The following PRKACB variants were observed in gnomAD, a reference collection of about 807,000 sequenced individuals.
PRKACB encodes protein kinase cAMP-activated catalytic subunit beta.
In PRKACB, 16 loss-of-function variants were observed where a neutral mutation model predicts 51.4. The observed-to-expected ratio is 0.31, with a 90% CI of 0.21 to 0.47. PRKACB has a LOEUF of 0.47. Among genes scored for constraint, PRKACB ranks in the 20% least tolerant of loss-of-function variants. The probability of loss-of-function intolerance (pLI) is 1.00; values close to 1 mark genes in which losing one functional copy is unlikely to be tolerated. For missense variants in PRKACB, 309 were observed against 464.5 expected (o/e 0.67, Z 3.08); for synonymous variants, 147 against 154.4 (o/e 0.95, Z 0.35).
chr1:84,128,801 A>G (rs185881783), intron 1 of PRKACB, among the ~76,000 whole-genome samples: 5 of 152,256 alleles, frequency 3.3e-5, no homozygotes, highest in Admixed American at 2.6e-4. Context: ...GTGTGTTCCT[A>G]TTGCCCAGTT....
chr1:84,117,274 G>C (rs1423036247), intron 1 of PRKACB, among the ~76,000 whole-genome samples: 1 of 151,628 alleles, frequency 6.6e-6, no homozygotes, highest in African/African-American at 2.4e-5. Context: ...TTCTTTTTTT[G>C]TTCTTTGTCA....
intron 1 of PRKACB, among the ~76,000 whole-genome samples, chr1:84,112,669 T>G (rs1174050975): frequency 6.6e-6 from 1 of 152,156 alleles, no homozygotes; most frequent in Non-Finnish European, 1.5e-5. Context: ...AATTTTTAAT[T>G]TACATTTTTG....
intron 1 of PRKACB, among the ~76,000 whole-genome samples, chr1:84,151,478 T>C (rs1654853429): frequency 6.6e-6 from 1 of 152,180 alleles, no homozygotes; most frequent in African/African-American, 2.4e-5. Context: ...CTGACTCTTA[T>C]TTTCATAAAA....
intron 9 of PRKACB, among the ~76,000 whole-genome samples, chr1:84,233,921 GTCAT>G (rs1165969426): frequency 6.6e-6 from 1 of 151,736 alleles, no homozygotes; most frequent in East Asian, 1.9e-4. Context: ...GCTCGTCAAA[GTCAT>G]TCTCCGTCCA....
chr1:84,128,910 C>T (rs1298067227), intron 1 of PRKACB, among the ~76,000 whole-genome samples: 1 of 152,170 alleles, frequency 6.6e-6, no homozygotes, highest in African/African-American at 2.4e-5. Flanking sequence ...CACTTGAAAT[C>T]ATGGCTCATG....
chr1:84,204,739 A>G (rs1289206910), intron 8 of PRKACB: 16 of 870,696 alleles, frequency 1.8e-5, no homozygotes, highest in Admixed American at 1.1e-4. Flanking sequence ...AATCTTTACT[A>G]TATTACTTTT....
At chr1:84,229,242 C>T (rs1675175771) in intron 9 of PRKACB, among the ~76,000 whole-genome samples, 1 of 134,116 alleles carries the variant, frequency 7.5e-6, no homozygotes, top group Non-Finnish European at 1.6e-5. Flanking sequence ...TCATCCATGT[C>T]CCTACGAAGG....
At chr1:84,165,611 G>A (rs910353176) in intron 1 of PRKACB, among the ~76,000 whole-genome samples, 1 of 151,658 alleles carries the variant, frequency 6.6e-6, no homozygotes, top group Non-Finnish European at 1.5e-5. Context: ...TTTAGAATAA[G>A]TACACTTGTG....
chr1:84,109,490 G>A lies in PRKACB; in HGVS notation c.46+31119G>A, dbSNP rs112437882. On this transcript the variant is annotated intron_variant, in intron 1 of 8. Coordinates refer to the PRKACB transcript ENST00000370688. ...TGCATATGTACTGTCTTTTATAGAC[G>A]GGAGTCCCTATTGTTGTGCATTTAG... 8.1e-3 allele frequency among the ~76,000 whole-genome samples: 1,224 copies of A among 151,824 alleles called. 17 individuals are homozygous for A. Among genetic ancestry groups the A allele is most frequent in the African/African-American group, 0.027 (1,129 of 41,478 alleles).
intron 5 of PRKACB, among the ~76,000 whole-genome samples, chr1:84,191,060 T>C (rs1361772992): frequency 6.6e-6 from 1 of 152,052 alleles, no homozygotes; most frequent in Non-Finnish European, 1.5e-5. Flanking sequence ...ATCCTGTTAT[T>C]ATGTTACCAG....
intron 8 of PRKACB, chr1:84,204,911 A>G: frequency 1.0e-6 from 1 of 976,416 alleles, no homozygotes; most frequent in Non-Finnish European, 1.2e-6. Context: ...TTTTATATTC[A>G]GCTGTTTATG....
At chr1:84,108,109 A>C (rs770612243) in intron 1 of PRKACB, among the ~76,000 whole-genome samples, 12 of 152,170 alleles carry the variant, frequency 7.9e-5, no homozygotes, top group Admixed American at 2.6e-4. Context: ...GGATAAAGAA[A>C]ATGTACATAT....
intron 1 of PRKACB, among the ~76,000 whole-genome samples, chr1:84,132,570 C>T (rs776077866): frequency 4.6e-5 from 7 of 151,746 alleles, no homozygotes; most frequent in South Asian, 2.1e-4. Flanking sequence ...TACAGATATG[C>T]GAATTATCAG....
chr1:84,181,158 CA>C (rs1467291135), intron 2 of PRKACB, among the ~76,000 whole-genome samples: 1 of 151,948 alleles, frequency 6.6e-6, no homozygotes, highest in Non-Finnish European at 1.5e-5. Context: ...AAATGGGTCT[CA>C]AAAGGCAAGG....
chr1:84,166,406 A>C (rs1399172946), intron 1 of PRKACB, among the ~76,000 whole-genome samples: 1 of 151,696 alleles, frequency 6.6e-6, no homozygotes, highest in African/African-American at 2.4e-5. Flanking sequence ...AGGTTTTACA[A>C]CAGGATGGAT....
intron 1 of PRKACB, chr1:84,164,433 G>T: frequency 6.4e-7 from 1 of 1,567,840 alleles, no homozygotes; most frequent in South Asian, 1.2e-5. Flanking sequence ...GTGAGTATTT[G>T]AAGAAAACAG....
At chr1:84,203,622 A>G (rs1321675445) in intron 8 of PRKACB, among the ~76,000 whole-genome samples, 1 of 151,922 alleles carries the variant, frequency 6.6e-6, no homozygotes, top group Admixed American at 6.6e-5. Flanking sequence ...TCTATACATT[A>G]ATGACAAAAT....
intron 9 of PRKACB, among the ~76,000 whole-genome samples, chr1:84,227,496 A>G (rs1487715082): frequency 2.0e-5 from 3 of 152,326 alleles, no homozygotes; most frequent in East Asian, 3.9e-4. Flanking sequence ...ATATTTAGAA[A>G]TAAAATCTTC....
intron 2 of PRKACB, 122 bp from the exon 3 acceptor site, chr1:84,182,078 T>C (rs1663692630): frequency 1.4e-6 from 1 of 738,170 alleles, no homozygotes; most frequent in South Asian, 4.4e-5. Flanking sequence ...CTTTTTTGTA[T>C]TGCATTTAAA....
Sources: gnomAD v4.1 joint callset for allele counts (sites outside exome capture counted in the v4.1 genomes callset) on GRCh38, gnomAD v4.1.1 for gene constraint, MANE v1.5 for transcripts, NCBI Gene and HGNC (gene_info 2026-07-23, HGNC 2026-07-21) for gene names.